Variants in SYNE2 observed in about 807,000 individuals in gnomAD.
The protein encoded by SYNE2 is spectrin repeat containing nuclear envelope protein 2.
In SYNE2, 431 loss-of-function variants were observed where a neutral mutation model predicts 856.3. The ratio of observed to expected loss-of-function variants is 0.50; its 90% CI spans 0.47 to 0.55. The LOEUF (loss-of-function observed/expected upper bound fraction) is 0.55, where lower values mean the gene tolerates loss of function less well. Ranked by LOEUF, SYNE2 falls within the 20% of genes least tolerant of loss-of-function variation. The pLI is 0.00. For synonymous variants in SYNE2, 2,923 were observed against 2,872.3 expected (o/e 1.02, Z -0.56); for missense variants, 8,129 against 8,023.2 (o/e 1.01, Z -0.50).
intron 2 of SYNE2, among the ~76,000 whole-genome samples, chr14:63,912,347 G>GA (rs113258245): frequency 7.2e-4 from 106 of 146,918 alleles, no homozygotes; most frequent in Admixed American, 1.2e-3. Flanking sequence ...AGCTATTTGA[G>GA]AAAAAAAAAA....
Position 64,108,366 on chromosome 14 carries a change from GTA to G in SYNE2, c.12609+773_12609+774del, listed in dbSNP as rs58876371. Among the ~76,000 whole-genome samples the G allele has an allele frequency of 6.0e-3, 905 of 150,154 alleles. 11 individuals are homozygous for G. The highest frequency in any genetic ancestry group is 0.02 in the African/African-American group (832 of 41,052). ...GCAAGACTCTGTCTTTTAAAAAAAT[GTA>G]TATATATATATATGGCTTGTGAATG... On this transcript the variant is annotated intron_variant, in intron 65 of 115. Coordinates refer to ENST00000555002, the MANE Select transcript of SYNE2 (RefSeq NM_182914.3).
chr14:63,867,297 T>C (rs1433030820), intron 1 of SYNE2, among the ~76,000 whole-genome samples: 2 of 151,654 alleles, frequency 1.3e-5, no homozygotes, highest in Non-Finnish European at 2.9e-5. Context: ...ACATATGAAG[T>C]AGTTAACAGA....
intron 1 of SYNE2, among the ~76,000 whole-genome samples, chr14:63,889,045 A>C (rs2095063379): frequency 1.4e-5 from 1 of 69,396 alleles, no homozygotes; most frequent in African/African-American, 5.4e-5. Flanking sequence ...CTACTAAAAT[A>C]CAAAAAAAAA....
rs183662879 is a variant in SYNE2, at chr14:63,860,446, T to C, written c.-52+7303T>C. Among the ~76,000 whole-genome samples the C allele has an allele frequency of 3.3e-5, 5 of 152,306 alleles. No homozygotes were observed. In the East Asian group the frequency reaches 9.6e-4, roughly 29 times the overall value. The stretch of plus-strand genomic sequence containing the variant: ...AAAGATAAGTGTGAAAGCATCTCTT[T>C]CTTTTGATGGTGTGTGAGATGAAAA... On this transcript the variant is annotated intron_variant, in intron 1 of 115. Coordinates refer to ENST00000555002, the MANE Select transcript of SYNE2 (RefSeq NM_182914.3).
At chr14:64,219,990 C>T (rs929397792) in intron 110 of SYNE2, among the ~76,000 whole-genome samples, 1 of 152,192 alleles carries the variant, frequency 6.6e-6, no homozygotes, top group Non-Finnish European at 1.5e-5. Context: ...AGACCCAGGG[C>T]AGGGGTTTTG....
intron 45 of SYNE2, among the ~76,000 whole-genome samples, chr14:64,046,896 T>G (rs1014019832): frequency 7.2e-5 from 11 of 152,206 alleles, no homozygotes; most frequent in Non-Finnish European, 1.0e-4. Context: ...TGAGGGTGCT[T>G]GTGATCCTGA....
intron 85 of SYNE2, among the ~76,000 whole-genome samples, chr14:64,153,662 G>A (rs2098263510): frequency 6.6e-6 from 1 of 152,130 alleles, no homozygotes; most frequent in African/African-American, 2.4e-5. Flanking sequence ...CACTGCCAGG[G>A]TTACAAAGGT....
chr14:63,990,965 A>G lies in SYNE2; in HGVS notation c.2496A>G (p.Ala832=). The G allele has an allele frequency of 6.2e-7, 1 of 1,614,172 alleles. No homozygotes were observed. The highest frequency in any genetic ancestry group is 1.1e-5 in the South Asian group (1 of 91,076). ...KVQINVVKLI[A]ALKNLTDVSP... Reference sequence around the variant, plus strand: ...AGATCAATGTGGTAAAACTCATTGCAGCGTTGAAGAACTTAACTGACGTTT... The same window carrying G: ...AGATCAATGTGGTAAAACTCATTGCGGCGTTGAAGAACTTAACTGACGTTT... Residue 832 remains alanine, a synonymous_variant, in exon 21 of 116, where the codon GCA becomes GCG. Transcript: ENST00000555002.
chr14:64,216,315 C>T lies in SYNE2; in HGVS notation c.19470C>T (p.Tyr6490=). The T allele has an allele frequency of 6.2e-7, 1 of 1,614,226 alleles. No homozygotes were observed. Among genetic ancestry groups the T allele is most frequent in the African/African-American group, 1.3e-5 (1 of 75,060 alleles). The change falls in exon 108 of 116, where the codon TAC becomes TAT. Residue 6490 remains tyrosine, a synonymous_variant. Transcript: ENST00000555002. Reference sequence around the variant, plus strand: ...GCCCTTCCTGTCCCGAGCATCACTACAAGCAAATGGAAGGTGACAGGAATG... The same window carrying T: ...GCCCTTCCTGTCCCGAGCATCACTATAAGCAAATGGAAGGTGACAGGAATG... The part of the protein sequence containing the change: ...PDSPSCPEHH[Y]KQMEGDRNVP...
intron 7 of SYNE2, among the ~76,000 whole-genome samples, chr14:63,951,895 T>A (rs1275489264): frequency 6.6e-6 from 1 of 152,244 alleles, no homozygotes; most frequent in South Asian, 2.1e-4. Context: ...CCCATCTTTC[T>A]TAGTTTTCAA....
intron 1 of SYNE2, among the ~76,000 whole-genome samples, chr14:63,808,978 G>A (rs933306833): frequency 5.9e-5 from 9 of 151,732 alleles, no homozygotes; most frequent in Admixed American, 2.0e-4. Flanking sequence ...AGCTGAGATC[G>A]CACCACTGCA....
chr14:63,864,462 A>C (rs142705059), intron 1 of SYNE2: 2 of 152,314 alleles, frequency 1.3e-5, no homozygotes, highest in African/African-American at 4.8e-5. Context: ...GTTTCTGAGA[A>C]CTGGAAGGTA....
Position 64,030,026 on chromosome 14 carries a change from A to C in SYNE2, c.6846A>C (p.Gln2282His), listed in dbSNP as rs2097019546. 1 of 1,614,154 alleles carries C rather than the reference A, an allele frequency of 6.2e-7. No individual in the cohort carries two copies. The highest frequency in any genetic ancestry group is 8.5e-7 in the Non-Finnish European group (1 of 1,180,004). The part of the protein sequence containing the change: ...FVSFSDKPVD[Q>H]IAVEEKLQKL... ...GTTTTTCTGATAAGCCTGTGGATCA[A>C]ATAGCGGTTGAGGAAAAATTGCAGA... Residue 2282 changes from glutamine to histidine, a missense_variant, in exon 44 of 116, where the codon CAA becomes CAC. Coordinates refer to ENST00000555002, the MANE Select transcript of SYNE2 (RefSeq NM_182914.3).
At position 64,098,752 on chromosome 14, in the gene SYNE2, C is replaced by G. The variant is rs1166491057; in HGVS notation, c.12312C>G (p.Asn4104Lys). Residue 4104 changes from asparagine to lysine, a missense_variant, in exon 63 of 116, where the codon AAC becomes AAG. Asn to Lys is a moderately conservative substitution (Grantham distance 94). Transcript: ENST00000555002. Reference sequence around the variant, plus strand: ...TCTTGTGCTGTGCCTTTCAGTTGAACAGAAGAGGCTCCATGTCTTACCTGG... The same window carrying G: ...TCTTGTGCTGTGCCTTTCAGTTGAAGAGAAGAGGCTCCATGTCTTACCTGG... The part of the protein sequence containing the change: ...AERDASERKL[N>K]RRGSMSYLAA... 1 of 1,613,924 alleles carries G rather than the reference C, an allele frequency of 6.2e-7. No homozygotes were observed. Among genetic ancestry groups the G allele is most frequent in the South Asian group, 1.1e-5 (1 of 90,968 alleles).
At chr14:64,032,965 TG>T (rs879725634) in intron 45 of SYNE2, among the ~76,000 whole-genome samples, 2 of 151,220 alleles carry the variant, frequency 1.3e-5, no homozygotes, top group Non-Finnish European at 1.5e-5. Flanking sequence ...CCCAGGAGTT[TG>T]AGATCAGTCT....
intron 113 of SYNE2, 86 bp from the exon 114 acceptor site, chr14:64,224,375 A>T: frequency 8.5e-7 from 1 of 1,179,910 alleles, no homozygotes; most frequent in Non-Finnish European, 1.2e-6. Context: ...AAAAAGATTG[A>T]TTTAAGGTAG....
chr14:63,941,509 A>C (rs2095915691), intron 3 of SYNE2, among the ~76,000 whole-genome samples, 186 bp from the exon 4 acceptor site: 1 of 152,218 alleles, frequency 6.6e-6, no homozygotes, highest in Non-Finnish European at 1.5e-5. Flanking sequence ...TAGCCATAAG[A>C]TAAATTAAAT....
At chr14:64,124,964 C>T (rs2097927775) in intron 70 of SYNE2, 115 bp from the exon 71 acceptor site, 1 of 1,325,228 alleles carries the variant, frequency 7.5e-7, no homozygotes, top group Non-Finnish European at 1.0e-6. Flanking sequence ...GATCATGCCA[C>T]TGCACTCCAG....
intron 49 of SYNE2, among the ~76,000 whole-genome samples, chr14:64,056,533 G>T (rs764934856): frequency 1.3e-5 from 2 of 150,902 alleles, no homozygotes; most frequent in Non-Finnish European, 2.9e-5. Flanking sequence ...AAAAGTATAT[G>T]CATGGTATAA....
Sources: allele counts gnomAD v4.1 joint callset (sites outside exome capture counted in the v4.1 genomes callset), GRCh38; gene constraint gnomAD v4.1.1; transcripts MANE v1.5; gene names NCBI Gene and HGNC (gene_info 2026-07-23, HGNC 2026-07-21).